SEPTIN12: variants seen among roughly 807,000 people sequenced by gnomAD.
SEPTIN12 encodes septin 12, also known as septin-12.
SEPTIN12 carries 42 observed loss-of-function variants against 37.7 expected under a neutral mutation model. The observed-to-expected ratio is 1.11, with a 90% CI of 0.87 to 1.44. The LOEUF is 1.44. Ranked by LOEUF, SEPTIN12 falls within the 40% of genes most tolerant of loss-of-function variation. The pLI, the probability that SEPTIN12 is intolerant of heterozygous loss-of-function variation, is 0.00. For missense variants in SEPTIN12, 613 were observed against 479.2 expected (o/e 1.28, Z -2.61); for synonymous variants, 254 against 196.7 (o/e 1.29, Z -2.44).
intron 4 of SEPTIN12, 28 bp downstream of exon 4, chr16:4,785,779 A>T: frequency 8.6e-7 from 1 of 1,161,132 alleles, no homozygotes; most frequent in Non-Finnish European, 1.2e-6. Context: ...ACTCTGCCTA[A>T]AAAAAAAAAA....
At chr16:4,785,623 A>G (rs942625447) in intron 4 of SEPTIN12, 184 bp downstream of exon 4, 1 of 574,374 alleles carries the variant, frequency 1.7e-6, no homozygotes, top group Non-Finnish European at 3.1e-6. Flanking sequence ...AAAATACAAA[A>G]AAAATTAGCT....
intron 4 of SEPTIN12, among the ~76,000 whole-genome samples, chr16:4,784,691 C>G (rs1399952096): frequency 6.7e-6 from 1 of 149,170 alleles, no homozygotes; most frequent in Non-Finnish European, 1.5e-5. Flanking sequence ...GGTCCTTGAG[C>G]TTGGGGAGGT....
chr16:4,784,069 C>A lies in SEPTIN12; in HGVS notation c.375-1G>T, dbSNP rs2082406176. ...GATGTAGCCCAGGATGGGGTCCCAG[C>A]TGAGGCGGGAGGTGGACCCTCCCCT... is the stretch of plus-strand genomic sequence containing the variant. On this transcript the variant is annotated splice_acceptor_variant, in intron 4 of 9. Coordinates refer to ENST00000268231, the MANE Select transcript of SEPTIN12 (RefSeq NM_144605.5). LOFTEE classifies it high-confidence loss of function. 1.2e-6 allele frequency: 2 copies of A among 1,613,932 alleles called. No homozygotes were observed. The highest frequency in any genetic ancestry group is 1.7e-5 in the Admixed American group (1 of 60,000).
chr16:4,783,019 C>T (rs189385543), intron 7 of SEPTIN12, among the ~76,000 whole-genome samples: 254 of 151,148 alleles, frequency 1.7e-3, no homozygotes, highest in East Asian at 5.1e-3. Context: ...AAAATTCTCC[C>T]GCTTCAGCCT....
upstream of SEPTIN12, among the ~76,000 whole-genome samples, chr16:4,791,032 G>A (rs115254266): frequency 5.3e-3 from 810 of 152,324 alleles, 8 homozygotes; most frequent in African/African-American, 0.019. Flanking sequence ...TCTGGTGATG[G>A]TGACGTGTGG....
intron 7 of SEPTIN12, among the ~76,000 whole-genome samples, chr16:4,782,177 T>G (rs993547785): frequency 1.3e-5 from 2 of 150,714 alleles, no homozygotes; most frequent in Admixed American, 1.3e-4. Flanking sequence ...CTCGAACCCC[T>G]GGCCGCAAGT....
At chr16:4,788,406 G>C (rs913181982), upstream of SEPTIN12, 4 of 152,740 alleles carry the variant, frequency 2.6e-5, no homozygotes, top group African/African-American at 9.7e-5. Flanking sequence ...TGCACTTGCT[G>C]TGACCCCCAC....
chr16:4,788,588 A>T (rs931807763), upstream of SEPTIN12: 2 of 152,054 alleles, frequency 1.3e-5, no homozygotes, highest in Admixed American at 1.3e-4. Flanking sequence ...GGGTGAGCAA[A>T]CCCAGGCCCC....
At chr16:4,786,984 C>G (rs1279437599) in intron 2 of SEPTIN12, among the ~76,000 whole-genome samples, 1 of 152,092 alleles carries the variant, frequency 6.6e-6, no homozygotes, top group Non-Finnish European at 1.5e-5. Context: ...AAGCAATTCT[C>G]CTGCCTTAGC....
intron 7 of SEPTIN12, among the ~76,000 whole-genome samples, chr16:4,782,778 T>G (rs769346645): frequency 6.6e-6 from 1 of 151,258 alleles, no homozygotes; most frequent in Non-Finnish European, 1.5e-5. Flanking sequence ...TGATTTCTTG[T>G]ATTTTTAGTA....
chr16:4,791,036 C>T (rs76701440), upstream of SEPTIN12, among the ~76,000 whole-genome samples: 6,770 of 152,260 alleles, frequency 0.044, 144 homozygotes, highest in Middle Eastern at 0.061. Flanking sequence ...GTGATGGTGA[C>T]GTGTGGACTG....
At position 4,787,661 on chromosome 16, in the gene SEPTIN12, G is replaced by A. The variant is rs367627115; in HGVS notation, c.-16C>T. On this transcript the variant is annotated 5_prime_UTR_variant, in exon 2 of 10. Coordinates refer to ENST00000268231, the MANE Select transcript of SEPTIN12 (RefSeq NM_144605.5). ...GGGGGTCCATGGGGGCCAAGGGTTC[G>A]AGATGCCTGTCACCAGGTGGGTGGG... is the stretch of plus-strand genomic sequence containing the variant. 6.0e-6 allele frequency: 9 copies of A among 1,494,116 alleles called. No individual in the cohort carries two copies. The highest frequency in any genetic ancestry group is 8.2e-6 in the Non-Finnish European group (9 of 1,098,050). 92.6% of individuals were successfully genotyped at this position (1,494,116 alleles called of 1,614,324 possible). A position where few individuals can be genotyped will look rare whatever the true frequency, so the allele number is the denominator to read the frequency against.
At position 4,777,798 on chromosome 16, in the gene SEPTIN12, C is replaced by T; in HGVS notation, c.1076G>A (p.Ter359=). 6.5e-7 allele frequency: 1 copy of T among 1,545,780 alleles called. No individual in the cohort carries two copies. Among genetic ancestry groups the T allele is most frequent in the African/African-American group, 1.4e-5 (1 of 73,732 alleles). ...AGCAGCCCCGGGATCCGCCGGTGGTCAGAACTCATCATCAGAATCGTCATG... is the reference window on the plus strand; with the variant it reads ...AGCAGCCCCGGGATCCGCCGGTGGTTAGAACTCATCATCAGAATCGTCATG... ...GAHDDSDDEF[*] is the part of the protein sequence containing the mutation. Residue 359 remains the stop codon, a stop_retained_variant, in exon 10 of 10, where the codon TGA becomes TAA. Transcript: ENST00000268231.
chr16:4,787,178 ATT>A (rs2082468447), intron 2 of SEPTIN12, among the ~76,000 whole-genome samples: 1 of 151,974 alleles, frequency 6.6e-6, no homozygotes, highest in African/African-American at 2.4e-5. Context: ...GCCCGGCCTC[ATT>A]TTTGTACTTT....
upstream of SEPTIN12, chr16:4,790,193 G>C (rs1301260793): frequency 1.3e-5 from 2 of 152,116 alleles, no homozygotes; most frequent in African/African-American, 4.8e-5. Flanking sequence ...CCACACTCAG[G>C]CTGGCAAGTG....
chr16:4,783,205 G>T, intron 7 of SEPTIN12: 1 of 477,702 alleles, frequency 2.1e-6, no homozygotes, highest in East Asian at 3.9e-5. Flanking sequence ...CACTGTGCCC[G>T]GCCCAATGTT....
At position 4,787,526 on chromosome 16, in the gene SEPTIN12, C is replaced by T; in HGVS notation, c.120G>A (p.Lys40=). The change falls in exon 2 of 10, where the codon AAG becomes AAA. Residue 40 remains lysine (K), a synonymous_variant. Coordinates refer to ENST00000268231, the MANE Select transcript of SEPTIN12 (RefSeq NM_144605.5). ...VGIEAVLDQL[K]IKAMKMGFEF... ...CAAACCCCATCTTCATAGCCTTGATCTTCAGCTGGTCCAGCACAGCCTCAA... is the reference window on the plus strand; with the variant it reads ...CAAACCCCATCTTCATAGCCTTGATTTTCAGCTGGTCCAGCACAGCCTCAA... 1 of 1,613,114 alleles carries T rather than the reference C, an allele frequency of 6.2e-7. No individual in the cohort carries two copies. The highest frequency in any genetic ancestry group is 8.5e-7 in the Non-Finnish European group (1 of 1,180,034).
chr16:4,777,804 T>G lies in SEPTIN12; in HGVS notation c.1070A>C (p.Glu357Ala). ...CRGAHDDSDD[E>A]F ...CCCGGGATCCGCCGGTGGTCAGAAC[T>G]CATCATCAGAATCGTCATGGGCCCC... The change falls in exon 10 of 10, where the codon GAG becomes GCG. Residue 357 changes from glutamate (E) to alanine (A), a missense_variant. By Grantham distance (107) the Glu-to-Ala change is moderately radical. Transcript: ENST00000268231. 6.4e-7 allele frequency: 1 copy of G among 1,557,178 alleles called. No individual in the cohort carries two copies. The highest frequency in any genetic ancestry group is 1.2e-5 in the South Asian group (1 of 83,088).
chr16:4,790,509 GC>G (rs1296176567), upstream of SEPTIN12, among the ~76,000 whole-genome samples: 2 of 152,216 alleles, frequency 1.3e-5, no homozygotes, highest in Non-Finnish European at 2.9e-5. Flanking sequence ...CTAGGGGTCA[GC>G]CAGGTGCGTT....
Sources: allele counts gnomAD v4.1 joint callset (sites outside exome capture counted in the v4.1 genomes callset), GRCh38; gene constraint gnomAD v4.1.1; transcripts MANE v1.5; gene names NCBI Gene and HGNC (gene_info 2026-07-23, HGNC 2026-07-21).